Variants in PCDH15 observed in about 807,000 individuals in gnomAD.
The protein encoded by PCDH15 is protocadherin related 15, also known as protocadherin-15.
PCDH15 carries 129 observed loss-of-function variants against 178.5 expected under a neutral mutation model. The ratio of observed to expected loss-of-function variants is 0.72; its 90% CI spans 0.63 to 0.84. The LOEUF (loss-of-function observed/expected upper bound fraction) is 0.84. PCDH15 is among the 40% of genes least tolerant of loss of function. PCDH15 has a pLI of 0.00. For missense variants in PCDH15, 2,230 were observed against 2,099.9 expected (o/e 1.06, Z -1.21); for synonymous variants, 800 against 732.0 (o/e 1.09, Z -1.50).
chr10:54,344,507 T>C (rs757969799), intron 6 of PCDH15, among the ~76,000 whole-genome samples: 18 of 152,172 alleles, frequency 1.2e-4, no homozygotes, highest in Non-Finnish European at 1.6e-4. Flanking sequence ...ATTGAATATT[T>C]TTATGCATGC....
At chr10:54,591,022 G>A (rs1282163695) in intron 2 of PCDH15, among the ~76,000 whole-genome samples, 2 of 152,110 alleles carry the variant, frequency 1.3e-5, no homozygotes, top group Non-Finnish European at 2.9e-5. Context: ...AGAGGGGAAT[G>A]TATTTTTACT....
At chr10:54,870,166 A>C (rs1004807359) in intron 3 of PCDH15, among the ~76,000 whole-genome samples, 1 of 152,226 alleles carries the variant, frequency 6.6e-6, no homozygotes, top group Non-Finnish European at 1.5e-5. Context: ...AATCAGAAAG[A>C]GCTCTTCAGT....
intron 2 of PCDH15, among the ~76,000 whole-genome samples, chr10:54,569,749 G>A (rs1304271626): frequency 6.6e-6 from 1 of 152,074 alleles, no homozygotes; most frequent in East Asian, 1.9e-4. Context: ...AGTGAAATAA[G>A]GAAGCTTGAA....
chr10:54,138,147 C>T (rs937121379), intron 14 of PCDH15, among the ~76,000 whole-genome samples: 16 of 152,074 alleles, frequency 1.1e-4, no homozygotes, highest in African/African-American at 3.9e-4. Flanking sequence ...GTCAGTTGAA[C>T]AAGCCCAAAT....
intron 8 of PCDH15, among the ~76,000 whole-genome samples, chr10:54,259,700 C>T (rs1257519925): frequency 6.6e-6 from 1 of 152,062 alleles, no homozygotes; most frequent in Non-Finnish European, 1.5e-5. Context: ...CTGTGTGTTT[C>T]CTGAAACCTA....
At chr10:55,257,657 A>G (rs1213689022) in intron 1 of PCDH15, among the ~76,000 whole-genome samples, 1 of 152,208 alleles carries the variant, frequency 6.6e-6, no homozygotes, top group Non-Finnish European at 1.5e-5. Flanking sequence ...ATGAAGTGAG[A>G]AGAGAACTTT....
At chr10:54,731,521 A>G (rs565669303) in intron 1 of PCDH15, among the ~76,000 whole-genome samples, 7 of 84,240 alleles carry the variant, frequency 8.3e-5, no homozygotes, top group Non-Finnish European at 1.4e-4. Flanking sequence ...AGTGCCCATC[A>G]ATGAATAAAG....
chr10:54,518,968 T>C (rs1183639638), intron 3 of PCDH15, among the ~76,000 whole-genome samples: 1 of 152,208 alleles, frequency 6.6e-6, no homozygotes, highest in Non-Finnish European at 1.5e-5. Flanking sequence ...AATCACATGA[T>C]TATCTCAATA....
At chr10:55,069,148 C>T (rs966453168) in intron 2 of PCDH15, among the ~76,000 whole-genome samples, 1 of 151,604 alleles carries the variant, frequency 6.6e-6, no homozygotes, top group East Asian at 1.9e-4. Flanking sequence ...TGATGTGATC[C>T]ACCCACCTTG....
intron 28 of PCDH15, among the ~76,000 whole-genome samples, chr10:53,853,605 C>T (rs2078536098): frequency 6.6e-6 from 1 of 151,948 alleles, no homozygotes; most frequent in Non-Finnish European, 1.5e-5. Context: ...TAAAAATGTG[C>T]AAAGGACTTG....
chr10:55,172,172 T>C (rs1253854100), intron 1 of PCDH15, among the ~76,000 whole-genome samples: 1 of 151,928 alleles, frequency 6.6e-6, no homozygotes, highest in African/African-American at 2.4e-5. Flanking sequence ...AGAATAAATT[T>C]ATATTTCATA....
intron 2 of PCDH15, among the ~76,000 whole-genome samples, chr10:55,139,231 G>A (rs891177823): frequency 6.6e-6 from 1 of 151,946 alleles, no homozygotes; most frequent in South Asian, 2.1e-4. Flanking sequence ...GTGTGAGATA[G>A]GTGATTGATT....
intron 3 of PCDH15, among the ~76,000 whole-genome samples, chr10:54,489,835 C>T (rs1240792729): frequency 6.6e-6 from 1 of 152,024 alleles, no homozygotes; most frequent in African/African-American, 2.4e-5. Context: ...CTGTCTTTGC[C>T]AGGTTAAGAT....
In PCDH15 at chr10:53,850,576, G is replaced by T. The variant is rs141216403; in HGVS notation, c.3806+6599C>A. On this transcript the variant is annotated intron_variant, in intron 28 of 37. Coordinates refer to ENST00000644397, the MANE Select transcript of PCDH15 (RefSeq NM_001384140.1). ...TAGTCACACTTAACCTTTTTTTAAA[G>T]AATAGTAAATTATACCTTGAATAAT... Among the ~76,000 whole-genome samples, 690 of 152,002 alleles carry T rather than the reference G, an allele frequency of 4.5e-3. 10 individuals are homozygous for T. Among genetic ancestry groups the T allele is most frequent in the African/African-American group, 0.015 (635 of 41,480 alleles).
At chr10:54,699,275 A>C (rs1367037688) in intron 1 of PCDH15, among the ~76,000 whole-genome samples, 1 of 152,112 alleles carries the variant, frequency 6.6e-6, no homozygotes, top group Non-Finnish European at 1.5e-5. Flanking sequence ...GTAAAAAAAA[A>C]ACTAGTCACT....
chr10:55,063,105 A>G (rs1419147272), intron 2 of PCDH15, among the ~76,000 whole-genome samples: 1 of 152,064 alleles, frequency 6.6e-6, no homozygotes, highest in African/African-American at 2.4e-5. Flanking sequence ...TAAATTGTCC[A>G]CTCAAACTTG....
intron 3 of PCDH15, among the ~76,000 whole-genome samples, chr10:54,840,725 G>T (rs1251506179): frequency 1.3e-5 from 2 of 151,744 alleles, no homozygotes; most frequent in Non-Finnish European, 1.5e-5. Flanking sequence ...GTCTAAAATG[G>T]AAGGAATATA....
intron 1 of PCDH15, among the ~76,000 whole-genome samples, chr10:54,759,694 C>G (rs1947616973): frequency 6.6e-6 from 1 of 152,170 alleles, no homozygotes; most frequent in Non-Finnish European, 1.5e-5. Context: ...CAGACATTTT[C>G]AATCAATAAT....
At chr10:55,466,349 T>C (rs1261197681) in intron 2 of PCDH15, among the ~76,000 whole-genome samples, 2 of 152,208 alleles carry the variant, frequency 1.3e-5, no homozygotes, top group Non-Finnish European at 2.9e-5. Flanking sequence ...TAATTCATTT[T>C]ATTTAAGGAG....
Sources: allele counts gnomAD v4.1 joint callset (sites outside exome capture counted in the v4.1 genomes callset), GRCh38; gene constraint gnomAD v4.1.1; transcripts MANE v1.5; gene names NCBI Gene and HGNC (gene_info 2026-07-23, HGNC 2026-07-21).